SPOP: variants seen among roughly 807,000 people sequenced by gnomAD.
SPOP encodes the protein speckle type BTB/POZ protein.
Under a neutral mutation model 45.6 loss-of-function variants are expected in SPOP, and 11 were observed. The observed-to-expected ratio is 0.24, with a 90% confidence interval of 0.15 to 0.40. The LOEUF (loss-of-function observed/expected upper bound fraction) is 0.40, where lower values mean the gene tolerates loss of function less well. Ranked by LOEUF, SPOP falls within the 10% of genes least tolerant of loss-of-function variation. SPOP has a pLI of 1.00. For synonymous variants in SPOP, 166 were observed against 166.3 expected, an observed-to-expected ratio of 1.00 and a Z score of 0.01; for missense variants, 152 against 465.6, an observed-to-expected ratio of 0.33 and a Z score of 6.20.
intron 8 of SPOP, chr17:49,602,277 A>G (rs560971214): frequency 2.0e-4 from 64 of 314,922 alleles, no homozygotes; most frequent in African/African-American, 1.3e-3. Flanking sequence ...TACAGGGTAG[A>G]TCTGCATCCT....
chr17:49,666,983 A>C (rs913159552), intron 1 of SPOP, among the ~76,000 whole-genome samples: 5 of 151,984 alleles, frequency 3.3e-5, no homozygotes, highest in Non-Finnish European at 4.4e-5. Flanking sequence ...GTTCGAGACT[A>C]GCCTGGCCAA....
chr17:49,637,719 T>C (rs1254116123), intron 1 of SPOP, among the ~76,000 whole-genome samples: 1 of 152,214 alleles, frequency 6.6e-6, no homozygotes, highest in Non-Finnish European at 1.5e-5. Context: ...CCTGTGTCAA[T>C]ATTTACAAGA....
At chr17:49,607,502 ATTTCT>A in intron 7 of SPOP, 130 bp from the exon 8 acceptor site, 1 of 1,220,802 alleles carries the variant, frequency 8.2e-7, no homozygotes, top group Middle Eastern at 2.5e-4. Context: ...TTAATGGAAA[ATTTCT>A]TTGCCCGGCT....
intron 1 of SPOP, among the ~76,000 whole-genome samples, chr17:49,645,105 T>C (rs1007692231): frequency 4.6e-5 from 7 of 152,140 alleles, no homozygotes; most frequent in Non-Finnish European, 8.8e-5. Context: ...ATATTTTAAA[T>C]AGATACTAAT....
chr17:49,611,907 G>C (rs1249354100), intron 5 of SPOP, among the ~76,000 whole-genome samples: 1 of 142,930 alleles, frequency 7.0e-6, no homozygotes, highest in Non-Finnish European at 1.5e-5. Context: ...TTTTGAGACA[G>C]AGTCTCACTA....
intron 1 of SPOP, among the ~76,000 whole-genome samples, chr17:49,670,656 T>C (rs1049824105): frequency 6.6e-6 from 1 of 152,192 alleles, no homozygotes; most frequent in African/African-American, 2.4e-5. Flanking sequence ...TCATTTGTAT[T>C]AACCTTTATT....
intron 1 of SPOP, among the ~76,000 whole-genome samples, chr17:49,662,629 G>A (rs2073004081): frequency 6.6e-6 from 1 of 151,964 alleles, no homozygotes; most frequent in African/African-American, 2.4e-5. Flanking sequence ...GGAGGTTGCA[G>A]TGAGCCAAGA....
chr17:49,649,916 G>A (rs1375080041), intron 1 of SPOP, among the ~76,000 whole-genome samples: 2 of 151,986 alleles, frequency 1.3e-5, no homozygotes, highest in African/African-American at 4.8e-5. Context: ...TTGAGACGGA[G>A]TTTCGCTTCT....
At chr17:49,669,966 G>A (rs1370798936) in intron 1 of SPOP, among the ~76,000 whole-genome samples, 2 of 152,072 alleles carry the variant, frequency 1.3e-5, no homozygotes, top group Non-Finnish European at 2.9e-5. Flanking sequence ...GGGGAGATTA[G>A]AGGCTTTCAA....
chr17:49,631,451 T>C (rs2072450314), intron 1 of SPOP, among the ~76,000 whole-genome samples: 1 of 152,226 alleles, frequency 6.6e-6, no homozygotes, highest in African/African-American at 2.4e-5. Flanking sequence ...CTTAATACTT[T>C]CTGAATTTTG....
intron 1 of SPOP, among the ~76,000 whole-genome samples, chr17:49,662,013 CAAAA>C (rs11307294): frequency 2.9e-4 from 26 of 90,048 alleles, no homozygotes; most frequent in Admixed American, 3.7e-4. Flanking sequence ...AACTCCGTCT[CAAAA>C]AAAAAAAAAA....
chr17:49,659,908 C>G (rs2072964378), intron 1 of SPOP, among the ~76,000 whole-genome samples: 1 of 152,170 alleles, frequency 6.6e-6, no homozygotes, highest in South Asian at 2.1e-4. Flanking sequence ...AGCCAGAAAC[C>G]TGGGAGTCAT....
rs561064826 is a variant in SPOP at position 49,645,642 on chromosome 17, T to C, written c.-66-22766A>G. Among the ~76,000 whole-genome samples, 5 of 152,288 alleles carry C rather than the reference T, an allele frequency of 3.3e-5. No homozygotes were observed. In the East Asian group the frequency reaches 7.7e-4, roughly 24 times the overall value. On this transcript the variant is annotated intron_variant, in intron 1 of 9. Coordinates refer to ENST00000504102, the MANE Select transcript of SPOP (RefSeq NM_001007228.2). ...ATAATGTCCACAGTAATCTGACATA[T>C]CTTCATAAAGACCATAAATCCTTAT...
intron 5 of SPOP, 58 bp from the exon 6 acceptor site, chr17:49,611,515 C>CAGAG (rs2071971742): frequency 2.1e-6 from 3 of 1,433,104 alleles, no homozygotes; most frequent in Non-Finnish European, 2.8e-6. Context: ...TTTTTGCCAG[C>CAGAG]AGATAGACGA....
chr17:49,668,398 T>A (rs999304892), intron 1 of SPOP, among the ~76,000 whole-genome samples: 4 of 152,086 alleles, frequency 2.6e-5, no homozygotes, highest in Non-Finnish European at 5.9e-5. Flanking sequence ...TGTATCAACA[T>A]AAATATATCT....
chr17:49,654,587 C>A (rs896556305), intron 1 of SPOP, among the ~76,000 whole-genome samples: 3 of 152,084 alleles, frequency 2.0e-5, no homozygotes, highest in Non-Finnish European at 4.4e-5. Flanking sequence ...GAGCTCCAGA[C>A]CACCCTGGGC....
intron 1 of SPOP, among the ~76,000 whole-genome samples, chr17:49,623,572 C>G (rs1365145448): frequency 6.6e-6 from 1 of 152,176 alleles, no homozygotes; most frequent in Admixed American, 6.5e-5. Context: ...CCTTGTTACC[C>G]TCTCTAAGTT....
intron 1 of SPOP, among the ~76,000 whole-genome samples, chr17:49,659,010 A>G (rs2072951814): frequency 6.6e-6 from 1 of 152,228 alleles, no homozygotes; most frequent in South Asian, 2.1e-4. Context: ...AAAGTGCAAA[A>G]GCCCAAAGGA....
intron 3 of SPOP, among the ~76,000 whole-genome samples, chr17:49,621,488 A>G (rs908602890): frequency 2.1e-4 from 32 of 152,214 alleles, no homozygotes; most frequent in African/African-American, 7.0e-4. Flanking sequence ...AAAGCAGGCA[A>G]TTTAAAAGTA....
Sources: gnomAD v4.1 joint callset for allele counts (sites outside exome capture counted in the v4.1 genomes callset) on GRCh38, gnomAD v4.1.1 for gene constraint, MANE v1.5 for transcripts, NCBI Gene and HGNC (gene_info 2026-07-23, HGNC 2026-07-21) for gene names.